GNA12: variants seen among roughly 807,000 people sequenced by gnomAD.
GNA12 encodes the protein guanine nucleotide-binding protein subunit alpha-12.
Under a neutral mutation model 26.0 loss-of-function variants are expected in GNA12, and 9 were observed. The observed-to-expected ratio is 0.35, with a 90% CI of 0.21 to 0.60. GNA12 has a LOEUF of 0.60. Among genes scored for constraint, GNA12 ranks in the 20% least tolerant of loss-of-function variants. The probability of loss-of-function intolerance (pLI) is 0.78; values close to 1 mark genes in which losing one functional copy is unlikely to be tolerated. For synonymous variants in GNA12, 264 were observed against 219.6 expected (o/e 1.20, Z -1.79); for missense variants, 405 against 525.8 (o/e 0.77, Z 2.25).
At chr7:2,746,162 A>C (rs1180904277) in intron 2 of GNA12, among the ~76,000 whole-genome samples, 1 of 152,216 alleles carries the variant, frequency 6.6e-6, no homozygotes. Context: ...GCTCTGCACC[A>C]AGCAGACCTA....
At chr7:2,732,727 G>T (rs936932677) in intron 3 of GNA12, among the ~76,000 whole-genome samples, 1 of 152,174 alleles carries the variant, frequency 6.6e-6, no homozygotes, top group Non-Finnish European at 1.5e-5. Context: ...CAATAACACT[G>T]CAGGGGTGGA....
At chr7:2,828,257 C>T (rs1793527891) in intron 1 of GNA12, among the ~76,000 whole-genome samples, 1 of 152,246 alleles carries the variant, frequency 6.6e-6, no homozygotes, top group Non-Finnish European at 1.5e-5. Context: ...TAAATAATCA[C>T]TACTGGACAG....
chr7:2,762,617 A>T, intron 2 of GNA12: 1 of 1,551,356 alleles, frequency 6.4e-7, no homozygotes, highest in South Asian at 1.2e-5. Context: ...CCCCTTCCGG[A>T]TAAGACCCCA....
chr7:2,749,813 A>G (rs936529531), intron 2 of GNA12, among the ~76,000 whole-genome samples: 11 of 152,300 alleles, frequency 7.2e-5, no homozygotes, highest in Admixed American at 3.3e-4. Flanking sequence ...GAGAGGAAAG[A>G]ATCAGTGACC....
At chr7:2,755,975 T>A (rs571143650) in intron 2 of GNA12, among the ~76,000 whole-genome samples, 15 of 152,348 alleles carry the variant, frequency 9.8e-5, no homozygotes, top group African/African-American at 3.6e-4. Context: ...AAGCTCATTT[T>A]AAAATTTATC....
At chr7:2,820,566 T>C (rs932538101) in intron 1 of GNA12, among the ~76,000 whole-genome samples, 12 of 151,874 alleles carry the variant, frequency 7.9e-5, no homozygotes, top group African/African-American at 2.2e-4. Flanking sequence ...AGCTAAAAAA[T>C]TGAAAAAGAA....
At chr7:2,795,652 AG>A (rs1381615752) in intron 1 of GNA12, among the ~76,000 whole-genome samples, 3 of 150,760 alleles carry the variant, frequency 2.0e-5, no homozygotes, top group African/African-American at 7.4e-5. Context: ...AAAAGAAAAA[AG>A]AAAAAAAAGA....
intron 2 of GNA12, among the ~76,000 whole-genome samples, chr7:2,770,701 ACAAAAAC>A (rs971166759): frequency 6.6e-6 from 1 of 152,176 alleles, no homozygotes; most frequent in Admixed American, 6.5e-5. Context: ...AAAAGAACAA[ACAAAAAC>A]AAAGCAACAT....
intron 2 of GNA12, chr7:2,762,904 G>A (rs920927072): frequency 2.1e-6 from 3 of 1,421,654 alleles, no homozygotes; most frequent in Non-Finnish European, 2.8e-6. Context: ...CTGCGGCGGG[G>A]AGAAGAGGCC....
chr7:2,758,442 C>G (rs954378823), intron 2 of GNA12, among the ~76,000 whole-genome samples: 5 of 152,174 alleles, frequency 3.3e-5, no homozygotes, highest in Non-Finnish European at 5.9e-5. Flanking sequence ...TCTGTGCTGT[C>G]AGGGTTCTAA....
chr7:2,812,400 C>G (rs572351044), intron 1 of GNA12, among the ~76,000 whole-genome samples: 1 of 152,088 alleles, frequency 6.6e-6, no homozygotes, highest in African/African-American at 2.4e-5. Flanking sequence ...GAGGCTGAGG[C>G]GGGCGGACCA....
At chr7:2,754,986 C>T (rs182625115) in intron 2 of GNA12, among the ~76,000 whole-genome samples, 1 of 152,304 alleles carries the variant, frequency 6.6e-6, no homozygotes, top group East Asian at 1.9e-4. Context: ...GGTCAAGGTT[C>T]ACTTTTTCTT....
At chr7:2,734,278 C>G (rs1442265982) in intron 2 of GNA12, among the ~76,000 whole-genome samples, 2 of 152,212 alleles carry the variant, frequency 1.3e-5, no homozygotes, top group Non-Finnish European at 2.9e-5. Flanking sequence ...CGCATATGAA[C>G]AGGCACGCAA....
chr7:2,774,637 A>G (rs7777484), intron 2 of GNA12, among the ~76,000 whole-genome samples: 57,272 of 152,060 alleles, frequency 0.38, 11,264 homozygotes, highest in Admixed American at 0.45. Context: ...AGGGTCAAAA[A>G]AAGTACAAGG....
intron 2 of GNA12, among the ~76,000 whole-genome samples, chr7:2,789,904 T>C (rs778628712): frequency 7.9e-5 from 12 of 152,202 alleles, no homozygotes; most frequent in Non-Finnish European, 1.6e-4. Context: ...TAGCTCACAG[T>C]GCACATAAAG....
chr7:2,799,169 G>A (rs763876342), intron 1 of GNA12, among the ~76,000 whole-genome samples: 7 of 152,102 alleles, frequency 4.6e-5, no homozygotes, highest in South Asian at 2.1e-4. Context: ...ATTTTGCTCC[G>A]CCAAAGACCC....
chr7:2,799,153 G>A (rs73049393), intron 1 of GNA12, among the ~76,000 whole-genome samples: 4,558 of 152,236 alleles, frequency 0.03, 116 homozygotes, highest in Non-Finnish European at 0.048. Flanking sequence ...TGATGAAAAC[G>A]AAAATATTTT....
At position 2,751,032 on chromosome 7, in the gene GNA12, C is replaced by G. The variant is rs115935168; in HGVS notation, c.526-17531G>C. Among the ~76,000 whole-genome samples the G allele has an allele frequency of 5.1e-3, 782 of 152,206 alleles. 7 individuals carry two copies. Among genetic ancestry groups the G allele is most frequent in the African/African-American group, 0.018 (738 of 41,524 alleles). On this transcript the variant is annotated intron_variant, in intron 2 of 3. Coordinates refer to ENST00000275364, the MANE Select transcript of GNA12 (RefSeq NM_007353.3). ...GAACTTCAAGACAATGTTAAAATAT[C>G]AACACTTTTATCTTGAGATGTTGCC... is the stretch of plus-strand genomic sequence containing the variant.
intron 2 of GNA12, among the ~76,000 whole-genome samples, chr7:2,761,736 C>T (rs767452199): frequency 5.9e-5 from 9 of 152,158 alleles, no homozygotes; most frequent in Admixed American, 3.9e-4. Context: ...GAAGAGTTGA[C>T]AAGATGGGCC....
Sources: allele counts gnomAD v4.1 joint callset (sites outside exome capture counted in the v4.1 genomes callset), GRCh38; gene constraint gnomAD v4.1.1; transcripts MANE v1.5; gene names NCBI Gene and HGNC (gene_info 2026-07-23, HGNC 2026-07-21).